Variants in TLN2 observed in about 807,000 individuals in gnomAD.
TLN2 encodes talin 2.
Under a neutral mutation model 294.7 loss-of-function variants are expected in TLN2, and 118 were observed. The ratio of observed to expected loss-of-function variants is 0.40; its 90% CI spans 0.34 to 0.47. The LOEUF is 0.47. TLN2 is among the 20% of genes least tolerant of loss of function. The pLI is 0.84. For missense variants in TLN2, 3,083 were observed against 3,282.2 expected (o/e 0.94, Z 1.48); for synonymous variants, 1,431 against 1,304.5 (o/e 1.10, Z -2.09).
intron 1 of TLN2, among the ~76,000 whole-genome samples, chr15:62,555,230 T>A (rs191383374): frequency 1.3e-5 from 2 of 152,354 alleles, no homozygotes; most frequent in East Asian, 3.9e-4. Flanking sequence ...TCCATGTTCC[T>A]TTCTTAATTT....
intron 41 of TLN2, among the ~76,000 whole-genome samples, chr15:62,769,917 G>A (rs1265556177): frequency 6.6e-6 from 1 of 152,172 alleles, no homozygotes; most frequent in Non-Finnish European, 1.5e-5. Flanking sequence ...ATTCTGAGAG[G>A]GGATAGATTC....
Position 62,631,072 on chromosome 15 carries a change from CAG to C in TLN2, c.-37+12598_-37+12599del, listed in dbSNP as rs1232297973. On this transcript the variant is annotated intron_variant, in intron 3 of 58. Coordinates refer to ENST00000636159, the MANE Select transcript of TLN2 (RefSeq NM_015059.3). ...TTTTCTCACCCAGGATAGTAACAAT[CAG>C]GGGAATATGGATATATAACCAAAGG... Among the ~76,000 whole-genome samples the C allele has an allele frequency of 2.0e-5, 3 of 152,118 alleles. No homozygotes were observed. The East Asian group carries it at 5.8e-4, about 29-fold the overall frequency.
intron 1 of TLN2, among the ~76,000 whole-genome samples, chr15:62,439,343 T>TG (rs1370262561): frequency 6.6e-6 from 1 of 152,118 alleles, no homozygotes; most frequent in Non-Finnish European, 1.5e-5. Flanking sequence ...GATGGAGTCT[T>TG]GCTCTGTTGC....
chr15:62,792,150 ACACTT>A (rs1275457695), intron 45 of TLN2, among the ~76,000 whole-genome samples: 3 of 152,332 alleles, frequency 2.0e-5, no homozygotes, highest in East Asian at 3.9e-4. Context: ...AAGAATCTGA[ACACTT>A]CAAAATATGC....
chr15:62,515,554 C>T (rs1250872268), intron 1 of TLN2, among the ~76,000 whole-genome samples: 1 of 152,112 alleles, frequency 6.6e-6, no homozygotes, highest in African/African-American at 2.4e-5. Flanking sequence ...AGTGTTCTCC[C>T]TGAAGGAGAG....
chr15:62,755,810 C>T lies in TLN2; in HGVS notation c.4638+117C>T. The stretch of plus-strand genomic sequence containing the variant: ...GTCTAGTGAAGCTTAACTTCTAATT[C>T]AGTCTTATGGTTTGTGTCACTGAAT... On this transcript the variant is annotated intron_variant, in intron 37 of 58. Transcript: ENST00000636159. 10 of 1,350,142 alleles carry T rather than the reference C, an allele frequency of 7.4e-6. No homozygotes were observed. The South Asian group carries it at 1.5e-4, about 20-fold the overall frequency. 83.6% of individuals were successfully genotyped at this position (1,350,142 alleles called of 1,614,324 possible).
intron 4 of TLN2, among the ~76,000 whole-genome samples, chr15:62,647,687 G>T (rs527743478): frequency 2.4e-4 from 36 of 152,268 alleles, no homozygotes; most frequent in Admixed American, 5.2e-4. Context: ...CATGCATGAG[G>T]ATTATGCTCT....
intron 1 of TLN2, among the ~76,000 whole-genome samples, chr15:62,471,460 C>G (rs1353731405): frequency 1.3e-5 from 2 of 152,230 alleles, no homozygotes; most frequent in Non-Finnish European, 2.9e-5. Flanking sequence ...TGCGTCACCT[C>G]CTGAGTTTGG....
At chr15:62,407,869 C>T (rs1197716149) in intron 1 of TLN2, among the ~76,000 whole-genome samples, 4 of 151,884 alleles carry the variant, frequency 2.6e-5, no homozygotes, top group African/African-American at 7.3e-5. Context: ...GAGCTAAGAT[C>T]ACACCACAAT....
chr15:62,460,063 A>T (rs964853195), intron 1 of TLN2, among the ~76,000 whole-genome samples: 1 of 152,118 alleles, frequency 6.6e-6, no homozygotes, highest in Non-Finnish European at 1.5e-5. Context: ...ATGTCTGCCG[A>T]GGTGCTGCAT....
chr15:62,490,567 A>G (rs1337006090), intron 1 of TLN2, among the ~76,000 whole-genome samples: 2 of 152,114 alleles, frequency 1.3e-5, no homozygotes, highest in Non-Finnish European at 2.9e-5. Context: ...GTCTTCCCCA[A>G]AAAGATGTTA....
At chr15:62,439,843 G>A (rs568806360) in intron 1 of TLN2, among the ~76,000 whole-genome samples, 1 of 152,286 alleles carries the variant, frequency 6.6e-6, no homozygotes, top group Non-Finnish European at 1.5e-5. Context: ...TTGGCTTGCA[G>A]TCAGAGGCCA....
At chr15:62,639,308 G>T (rs1490077287) in intron 3 of TLN2, among the ~76,000 whole-genome samples, 1 of 152,122 alleles carries the variant, frequency 6.6e-6, no homozygotes, top group Non-Finnish European at 1.5e-5. Flanking sequence ...GGACTGTGGT[G>T]GCCCTGCCGT....
intron 2 of TLN2, among the ~76,000 whole-genome samples, chr15:62,592,964 G>A (rs892341753): frequency 4.6e-5 from 7 of 152,186 alleles, no homozygotes; most frequent in African/African-American, 1.7e-4. Flanking sequence ...TTATCTCTGT[G>A]TTCCCTGAAA....
intron 12 of TLN2, among the ~76,000 whole-genome samples, chr15:62,688,261 T>C (rs2057462683): frequency 6.6e-6 from 1 of 152,228 alleles, no homozygotes. Context: ...GTAGTGATTT[T>C]TTCCTTCCTA....
chr15:62,413,716 C>T (rs1486843787), intron 1 of TLN2, among the ~76,000 whole-genome samples: 1 of 152,176 alleles, frequency 6.6e-6, no homozygotes, highest in African/African-American at 2.4e-5. Flanking sequence ...ATTCTTGTAG[C>T]ATGAGTAGGG....
intron 1 of TLN2, among the ~76,000 whole-genome samples, chr15:62,573,622 G>A (rs1029870723): frequency 4.6e-5 from 7 of 152,028 alleles, no homozygotes; most frequent in Admixed American, 3.3e-4. Flanking sequence ...TCCAGCCTGG[G>A]GGTGGAAGAA....
Position 62,797,302 on chromosome 15 carries a change from T to A in TLN2, c.6134T>A (p.Leu2045Gln), listed in dbSNP as rs746854932. 1 of 1,613,826 alleles carries A rather than the reference T, an allele frequency of 6.2e-7. No individual in the cohort carries two copies. The highest frequency in any genetic ancestry group is 8.5e-7 in the Non-Finnish European group (1 of 1,180,016). Residue 2045 changes from leucine to glutamine, a missense_variant, in exon 48 of 59, where the codon CTG becomes CAG. Coordinates refer to ENST00000636159, the MANE Select transcript of TLN2 (RefSeq NM_015059.3). ...GGAGCTGCGTCCACTCCTGACAAGCTGGCCCAGGCGGCCCAGTCCTCAGCA... is the reference window on the plus strand; with the variant it reads ...GGAGCTGCGTCCACTCCTGACAAGCAGGCCCAGGCGGCCCAGTCCTCAGCA... ...VSGAASTPDK[L>Q]AQAAQSSAAT...
chr15:62,662,463 T>C (rs1350094639), intron 9 of TLN2, among the ~76,000 whole-genome samples: 4 of 152,242 alleles, frequency 2.6e-5, no homozygotes, highest in South Asian at 2.1e-4. Context: ...GCTTTTAAAT[T>C]GAATATAGAT....
Sources: gnomAD v4.1 joint callset for allele counts (sites outside exome capture counted in the v4.1 genomes callset) on GRCh38, gnomAD v4.1.1 for gene constraint, MANE v1.5 for transcripts, NCBI Gene and HGNC (gene_info 2026-07-23, HGNC 2026-07-21) for gene names.